Variants in FGF13 observed in about 807,000 individuals in gnomAD.
FGF13 encodes fibroblast growth factor homologous factor 2.
FGF13 carries 2 observed loss-of-function variants against 19.5 expected under a neutral mutation model. The ratio of observed to expected loss-of-function variants is 0.10; its 90% CI spans 0.04 to 0.32. The LOEUF is 0.32. FGF13 is among the 10% of genes least tolerant of loss of function. The pLI, the probability that FGF13 is intolerant of heterozygous loss-of-function variation, is 1.00. For synonymous variants in FGF13, 72 were observed against 76.9 expected (o/e 0.94, Z 0.33); for missense variants, 113 against 192.7 (o/e 0.59, Z 2.45).
Position 138,708,932 on chromosome X carries a change from C to T in FGF13, c.188-4G>A. 1 of 1,088,141 alleles carries T rather than the reference C, an allele frequency of 9.2e-7. No individual in the cohort carries two copies. Among genetic ancestry groups the T allele is most frequent in the Non-Finnish European group, 1.3e-6 (1 of 790,307 alleles). 89.7% of individuals were successfully genotyped at this position (1,088,141 alleles called of 1,213,427 possible). Reference sequence around the variant, plus strand: ...ACTATACCCTTAAGCTGAGGCTCTGCAAAGAGAACAATGATTTGGATCAAT... The same window carrying T: ...ACTATACCCTTAAGCTGAGGCTCTGTAAAGAGAACAATGATTTGGATCAAT... On this transcript the variant is annotated splice_polypyrimidine_tract_variant and splice_region_variant and intron_variant, in intron 1 of 4. Transcript: ENST00000315930.
intron 3 of FGF13, among the ~76,000 whole-genome samples, chrX:138,778,831 T>G (rs2090613602): frequency 8.9e-6 from 1 of 112,648 alleles, no homozygotes; most frequent in South Asian, 3.6e-4. Flanking sequence ...CAAGGAGGCC[T>G]GCCTGCCTCT....
At chrX:138,762,750 T>C (rs2090476638) in intron 3 of FGF13, among the ~76,000 whole-genome samples, 1 of 112,049 alleles carries the variant, frequency 8.9e-6, no homozygotes, top group African/African-American at 3.2e-5. Context: ...GATAGGCATA[T>C]TGCAAGAAGT....
In FGF13 at chrX:138,774,851, G is replaced by C. The variant is rs150574780; in HGVS notation, c.218-65923C>G. Among the ~76,000 whole-genome samples the C allele has an allele frequency of 2.9e-3, 321 of 112,534 alleles. 12 individuals are homozygous for C. In the East Asian group the frequency reaches 0.078, roughly 27 times the overall value. On this transcript the variant is annotated intron_variant, in intron 3 of 6. Transcript: ENST00000436198. Reference sequence around the variant, plus strand: ...ACTGACATTGTTATAGGTCAAAATAGTTGATTGTCAGCAATTTATTTTCAT... The same window carrying C: ...ACTGACATTGTTATAGGTCAAAATACTTGATTGTCAGCAATTTATTTTCAT...
chrX:138,815,907 TCTC>T (rs765069503), intron 3 of FGF13, among the ~76,000 whole-genome samples: 2 of 111,140 alleles, frequency 1.8e-5, no homozygotes, highest in East Asian at 5.7e-4. Flanking sequence ...TAGAAAGAGT[TCTC>T]CTAATTAGAA....
At chrX:139,156,300 T>C (rs919503323) in intron 1 of FGF13, among the ~76,000 whole-genome samples, 4 of 111,736 alleles carry the variant, frequency 3.6e-5, no homozygotes, top group African/African-American at 1.3e-4. Context: ...TCACATTCTA[T>C]GGGGACAGGC....
At chrX:138,877,295 T>A (rs1483136072) in intron 1 of FGF13, among the ~76,000 whole-genome samples, 5 of 112,081 alleles carry the variant, frequency 4.5e-5, no homozygotes, top group South Asian at 3.8e-4. Flanking sequence ...ACATTTCATT[T>A]TTATTCATAG....
intron 1 of FGF13, among the ~76,000 whole-genome samples, chrX:139,125,697 G>C (rs750243186): frequency 8.9e-6 from 1 of 111,958 alleles, no homozygotes; most frequent in South Asian, 3.8e-4. Flanking sequence ...CTCAGTGCCT[G>C]GCCCTGTGTT....
chrX:138,766,710 C>T lies in FGF13; in HGVS notation c.218-57782G>A, dbSNP rs758127302. ...ATACTGTAAACCTAATTAATGCTAA[C>T]GATAGAACATGCCTGCAAAGAGACC... On this transcript the variant is annotated intron_variant, in intron 3 of 6. Transcript: ENST00000436198. 8.9e-5 allele frequency among the ~76,000 whole-genome samples: 10 copies of T among 111,797 alleles called. No homozygotes were observed. In the South Asian group the frequency reaches 1.1e-3, roughly 13 times the overall value.
chrX:138,784,059 G>A (rs1265023053), intron 3 of FGF13, among the ~76,000 whole-genome samples: 174 of 97,776 alleles, frequency 1.8e-3, no homozygotes, highest in African/African-American at 6.1e-3. Context: ...GTAAACTATC[G>A]CAAGAACAAA....
chrX:139,003,335 C>T (rs867661142), intron 1 of FGF13, among the ~76,000 whole-genome samples: 38 of 111,437 alleles, frequency 3.4e-4, no homozygotes, highest in African/African-American at 5.6e-4. Flanking sequence ...TGCAGATCTT[C>T]GCCGTGAGTG....
At chrX:138,881,727 A>AC (rs2091426086) in intron 1 of FGF13, among the ~76,000 whole-genome samples, 1 of 111,609 alleles carries the variant, frequency 9.0e-6, no homozygotes, top group South Asian at 3.7e-4. Flanking sequence ...TTATATTTAT[A>AC]TTTCTGTAAG....
intron 3 of FGF13, among the ~76,000 whole-genome samples, chrX:138,792,113 T>C (rs941710499): frequency 8.9e-6 from 1 of 111,904 alleles, no homozygotes; most frequent in East Asian, 2.8e-4. Flanking sequence ...ATCTGCTCTA[T>C]AGGAGGACTG....
intron 1 of FGF13, among the ~76,000 whole-genome samples, chrX:138,963,402 G>A (rs1369827799): frequency 6.2e-5 from 7 of 112,579 alleles, no homozygotes; most frequent in Non-Finnish European, 1.1e-4. Flanking sequence ...CTGAAGGGAT[G>A]TGGCCTATGT....
chrX:138,924,014 T>C (rs780047738), intron 1 of FGF13, among the ~76,000 whole-genome samples: 4 of 112,220 alleles, frequency 3.6e-5, no homozygotes, highest in Non-Finnish European at 7.5e-5. Flanking sequence ...TGTTGAAACT[T>C]TGATACTAGA....
At chrX:139,070,084 G>A (rs1053753148) in intron 1 of FGF13, among the ~76,000 whole-genome samples, 1 of 111,853 alleles carries the variant, frequency 8.9e-6, no homozygotes, top group Non-Finnish European at 1.9e-5. Flanking sequence ...AAGTCTTCAT[G>A]ACTAAAACAC....
intron 3 of FGF13, among the ~76,000 whole-genome samples, chrX:138,761,622 C>A (rs2124330322): frequency 8.9e-6 from 1 of 111,851 alleles, no homozygotes; most frequent in Admixed American, 9.5e-5. Context: ...GGGACCTCCA[C>A]TGTCCAGCAC....
At chrX:139,033,685 T>C (rs1456144701) in intron 1 of FGF13, among the ~76,000 whole-genome samples, 1 of 111,947 alleles carries the variant, frequency 8.9e-6, no homozygotes, top group Non-Finnish European at 1.9e-5. Context: ...CCTCTGTGCT[T>C]CTAACCCCTA....
chrX:139,197,665 G>C (rs1484404857), intron 1 of FGF13, among the ~76,000 whole-genome samples: 1 of 111,373 alleles, frequency 9.0e-6, no homozygotes, highest in Non-Finnish European at 1.9e-5. Flanking sequence ...ACCAAAGAGT[G>C]CATACAGGAA....
In FGF13 at chrX:138,620,594, G is replaced by A. The variant is rs769910393; in HGVS notation, c.*12256C>T. 4.5e-5 allele frequency: 5 copies of A among 111,505 alleles called. No homozygotes were observed. The highest frequency in any genetic ancestry group is 7.5e-5 in the Non-Finnish European group (4 of 53,080). 9.2% of individuals were successfully genotyped at this position (111,505 alleles called of 1,213,427 possible). A position where few individuals can be genotyped will look rare whatever the true frequency, so the allele number is the denominator to read the frequency against. ...AAACAAAAAAACTTACAAAACAGCT[G>A]AAAAACATTTAACAAAGTAGCAATA... On this transcript the variant is annotated 3_prime_UTR_variant, in exon 5 of 5. Coordinates refer to ENST00000315930, the MANE Select transcript of FGF13 (RefSeq NM_004114.5).
Sources: allele counts gnomAD v4.1 joint callset (sites outside exome capture counted in the v4.1 genomes callset), GRCh38; gene constraint gnomAD v4.1.1; transcripts MANE v1.5; gene names NCBI Gene and HGNC (gene_info 2026-07-23, HGNC 2026-07-21).